The following CD247 variants were observed in gnomAD, a reference collection of about 807,000 sequenced individuals.
CD247 encodes CD247 molecule.
In CD247, 13 loss-of-function variants were observed where a neutral mutation model predicts 30.0. The ratio of observed to expected loss-of-function variants is 0.43; its 90% CI spans 0.28 to 0.69. CD247 has a LOEUF of 0.69. Ranked by LOEUF, CD247 falls within the 30% of genes least tolerant of loss-of-function variation. CD247 has a pLI of 0.16. For synonymous variants in CD247, 72 were observed against 80.0 expected (o/e 0.90, Z 0.53); for missense variants, 193 against 212.6 (o/e 0.91, Z 0.57).
At chr1:167,490,912 T>C (rs943527492) in intron 1 of CD247, among the ~76,000 whole-genome samples, 5 of 151,976 alleles carry the variant, frequency 3.3e-5, no homozygotes, top group African/African-American at 1.2e-4. Context: ...CATTCCAGTC[T>C]GGGTTGACAG....
chr1:167,458,689 C>CTTTTTTTTTTTTTTTTTT (rs3070395), intron 1 of CD247: 5 of 95,426 alleles, frequency 5.2e-5, no homozygotes, highest in African/African-American at 9.3e-5. Flanking sequence ...TTCTTTCTTT[C>CTTTTTTTTTTTTTTTTTT]TTTTTTTTTT....
At chr1:167,478,340 T>C (rs1653837789) in intron 1 of CD247, among the ~76,000 whole-genome samples, 1 of 152,238 alleles carries the variant, frequency 6.6e-6, no homozygotes, top group Non-Finnish European at 1.5e-5. Flanking sequence ...CCTGAGTACC[T>C]AACATGGCAA....
chr1:167,436,181 G>T (rs1723022), intron 4 of CD247, among the ~76,000 whole-genome samples: 38,096 of 152,178 alleles, frequency 0.25, 5,989 homozygotes, highest in Middle Eastern at 0.4. Context: ...CAATAAACAT[G>T]ATACACCACA....
At chr1:167,437,170 A>AG (rs1651584002) in intron 4 of CD247, among the ~76,000 whole-genome samples, 1 of 152,168 alleles carries the variant, frequency 6.6e-6, no homozygotes, top group South Asian at 2.1e-4. Flanking sequence ...TGGTTGGCTG[A>AG]GGCGGGCAGA....
chr1:167,488,121 T>C (rs920765278), intron 1 of CD247, among the ~76,000 whole-genome samples: 1 of 152,164 alleles, frequency 6.6e-6, no homozygotes, highest in Non-Finnish European at 1.5e-5. Context: ...AAATAACAAT[T>C]GTTACCCCAA....
In CD247 at chr1:167,438,659, G is replaced by A; in HGVS notation, c.220-9C>T. 1 of 1,609,110 alleles carries A rather than the reference G, an allele frequency of 6.2e-7. No homozygotes were observed. The highest frequency in any genetic ancestry group is 1.1e-5 in the South Asian group (1 of 90,992). ...CGTCCTAGATTGAGCTCCTATAACAGATAAGAAAGTGTCAGACACAGGACG... is the reference window on the plus strand; with the variant it reads ...CGTCCTAGATTGAGCTCCTATAACAAATAAGAAAGTGTCAGACACAGGACG... On this transcript the variant is annotated splice_polypyrimidine_tract_variant and intron_variant, in intron 3 of 7. Transcript: ENST00000362089.
chr1:167,445,775 A>C (rs1426759452), intron 1 of CD247, among the ~76,000 whole-genome samples: 1 of 152,186 alleles, frequency 6.6e-6, no homozygotes. Flanking sequence ...CCATACCCTG[A>C]GGCTGAAAAT....
At chr1:167,434,629 A>C (rs1279933075) in intron 5 of CD247, 2 of 379,342 alleles carry the variant, frequency 5.3e-6, no homozygotes, top group Admixed American at 3.2e-5. Context: ...AGAAGACTTC[A>C]GCACCCAGGA....
chr1:167,454,474 A>C (rs35539010), intron 1 of CD247, among the ~76,000 whole-genome samples: 2,283 of 152,364 alleles, frequency 0.015, 32 homozygotes, highest in South Asian at 0.028. Context: ...AAAGTGGAGG[A>C]ACAGGGGCTG....
At chr1:167,449,048 C>A (rs1652221425) in intron 1 of CD247, among the ~76,000 whole-genome samples, 1 of 151,118 alleles carries the variant, frequency 6.6e-6, no homozygotes, top group African/African-American at 2.4e-5. Flanking sequence ...TGTATGATTT[C>A]TTAGGGGTAG....
intron 1 of CD247, among the ~76,000 whole-genome samples, chr1:167,450,592 G>T (rs963301859): frequency 6.6e-6 from 1 of 152,112 alleles, no homozygotes; most frequent in Non-Finnish European, 1.5e-5. Flanking sequence ...TAGGCAATTC[G>T]CAGAGACAGG....
At chr1:167,445,805 C>T (rs1287328678) in intron 1 of CD247, among the ~76,000 whole-genome samples, 1 of 152,194 alleles carries the variant, frequency 6.6e-6, no homozygotes, top group African/African-American at 2.4e-5. Flanking sequence ...TGCCCTTTCC[C>T]CTGCAGTCAA....
intron 1 of CD247, among the ~76,000 whole-genome samples, chr1:167,502,147 G>A (rs1654939834): frequency 6.6e-6 from 1 of 152,234 alleles, no homozygotes; most frequent in South Asian, 2.1e-4. Flanking sequence ...GGAAGAGAAT[G>A]CCTCTGCAGT....
intron 2 of CD247, 174 bp downstream of exon 2, chr1:167,440,490 T>C (rs1651776046): frequency 1.1e-5 from 7 of 661,070 alleles, no homozygotes; most frequent in Admixed American, 2.1e-5. Flanking sequence ...AGCCAGACAC[T>C]GCCACCTCCT....
intron 4 of CD247, among the ~76,000 whole-genome samples, chr1:167,435,682 G>GC (rs1370019949): frequency 2.6e-5 from 4 of 152,256 alleles, no homozygotes; most frequent in African/African-American, 9.6e-5. Flanking sequence ...CCCAAGCCCA[G>GC]CATTGCCCAG....
At chr1:167,431,789 C>T (rs1432049817) in intron 7 of CD247, 43 bp from the exon 8 acceptor site, 1 of 1,575,282 alleles carries the variant, frequency 6.3e-7, no homozygotes, top group East Asian at 2.2e-5. Flanking sequence ...GGGTCAGTAG[C>T]CTGTGTGGGC....
intron 2 of CD247, 81 bp downstream of exon 2, chr1:167,440,583 A>G: frequency 1.1e-6 from 1 of 919,932 alleles, no homozygotes; most frequent in African/African-American, 1.6e-5. Flanking sequence ...CGAGCTTGAG[A>G]CCTTCCAAGA....
chr1:167,444,968 C>T (rs1489500508), intron 1 of CD247, among the ~76,000 whole-genome samples: 1 of 151,640 alleles, frequency 6.6e-6, no homozygotes, highest in Non-Finnish European at 1.5e-5. Context: ...CTCTGTTGCC[C>T]AGGCTGGAGT....
chr1:167,452,048 C>A (rs1047745516), intron 1 of CD247, among the ~76,000 whole-genome samples: 3 of 152,152 alleles, frequency 2.0e-5, no homozygotes, highest in African/African-American at 7.2e-5. Flanking sequence ...CATGGCTAAA[C>A]CCCGTCTCTA....
Sources: gnomAD v4.1 joint callset for allele counts (sites outside exome capture counted in the v4.1 genomes callset) on GRCh38, gnomAD v4.1.1 for gene constraint, MANE v1.5 for transcripts, NCBI Gene and HGNC (gene_info 2026-07-23, HGNC 2026-07-21) for gene names.